PPIG: variants seen among roughly 807,000 people sequenced by gnomAD.
The protein encoded by PPIG is peptidyl-prolyl cis-trans isomerase G.
A neutral mutation model predicts 87.9 loss-of-function variants in PPIG; 26 were observed. The observed-to-expected ratio is 0.30, with a 90% CI of 0.22 to 0.41. PPIG has a LOEUF of 0.41. Ranked by LOEUF, PPIG falls within the 10% of genes least tolerant of loss-of-function variation. The pLI is 1.00. For synonymous variants in PPIG, 308 were observed against 276.5 expected (o/e 1.11, Z -1.13); for missense variants, 722 against 879.4 (o/e 0.82, Z 2.26).
intron 1 of PPIG, among the ~76,000 whole-genome samples, chr2:169,591,588 C>T (rs1684863739): frequency 6.6e-6 from 1 of 151,938 alleles, no homozygotes; most frequent in Non-Finnish European, 1.5e-5. Flanking sequence ...AAAGTAGATT[C>T]AGTATATTAT....
At chr2:169,612,648 C>G (rs925511618) in intron 7 of PPIG, among the ~76,000 whole-genome samples, 2 of 152,130 alleles carry the variant, frequency 1.3e-5, no homozygotes, top group African/African-American at 4.8e-5. Context: ...TCCCAAACTG[C>G]TGGGATTACA....
chr2:169,584,424 G>A lies in PPIG; in HGVS notation c.-136G>A, dbSNP rs941574940. 2.1e-6 allele frequency: 1 copy of A among 471,014 alleles called. No homozygotes were observed. The highest frequency in any genetic ancestry group is 2.0e-5 in the African/African-American group (1 of 50,082). The allele number at this position is 471,014 out of a possible 1,614,324, so 29.2% of individuals were successfully genotyped here. A position where few individuals can be genotyped will look rare whatever the true frequency, so the allele number is the denominator to read the frequency against. On this transcript the variant is annotated 5_prime_UTR_variant, in exon 1 of 14. Coordinates refer to ENST00000260970, the MANE Select transcript of PPIG (RefSeq NM_004792.3). ...GTTAGCGGGCTTTAGCGCCTTTTCT[G>A]GCGGCGGTAGATTTGAAGCGCTTCA... is the stretch of plus-strand genomic sequence containing the variant.
At position 169,639,090 on chromosome 2, in the gene PPIG, C is replaced by G. The variant is rs560207928; in HGVS notation, c.*1567C>G. ...ATATTTGGCGTTGTGGTAGCTGTTG[C>G]AGAATGAATAGTGTAATGACCATAA... On this transcript the variant is annotated 3_prime_UTR_variant, in exon 14 of 14. Coordinates refer to ENST00000260970, the MANE Select transcript of PPIG (RefSeq NM_004792.3). 3 of 152,040 alleles carry G rather than the reference C, an allele frequency of 2.0e-5. No homozygotes were observed. In the South Asian group the frequency reaches 6.2e-4, roughly 32 times the overall value. 9.4% of individuals were successfully genotyped at this position (152,040 alleles called of 1,614,324 possible).
At chr2:169,590,137 A>AAAAAG (rs774610161) in intron 1 of PPIG, among the ~76,000 whole-genome samples, 1 of 151,800 alleles carries the variant, frequency 6.6e-6, no homozygotes, top group African/African-American at 2.4e-5. Context: ...ACCAAAAAAA[A>AAAAAG]AAAAGAAAAG....
In PPIG at chr2:169,637,178, CAA is replaced by C. The variant is rs1278295959; in HGVS notation, c.1922_1923del (p.Lys641ArgfsTer9). On this transcript the variant is annotated frameshift_variant, in exon 14 of 14. Transcript: ENST00000260970. LOFTEE classifies it high-confidence loss of function. ...AGAGAGAAGAAAGTCAAAGCAGAAA[CAA>C]AGACAAATACAGAAACCAAGAGAGT... ...SEREESQSRN[K>X]DKYRNQESKS... The C allele has an allele frequency of 2.5e-6, 4 of 1,612,780 alleles. No individual in the cohort carries two copies. The highest frequency in any genetic ancestry group is 2.2e-5 in the East Asian group (1 of 44,830).
intron 1 of PPIG, among the ~76,000 whole-genome samples, chr2:169,597,384 C>A (rs1685047317): frequency 1.3e-5 from 2 of 152,114 alleles, no homozygotes; most frequent in Non-Finnish European, 2.9e-5. Flanking sequence ...GCCTCAAAAT[C>A]CTCGGCTGAA....
At chr2:169,602,554 C>T (rs1440749279) in intron 1 of PPIG, among the ~76,000 whole-genome samples, 2 of 152,248 alleles carry the variant, frequency 1.3e-5, no homozygotes, top group South Asian at 2.1e-4. Flanking sequence ...GACCCTGATC[C>T]GCCCGCCTCA....
intron 1 of PPIG, among the ~76,000 whole-genome samples, chr2:169,593,529 A>G (rs907369956): frequency 6.6e-6 from 1 of 152,218 alleles, no homozygotes; most frequent in African/African-American, 2.4e-5. Context: ...TCTTACAGAC[A>G]CACACAATAA....
intron 9 of PPIG, among the ~76,000 whole-genome samples, chr2:169,628,813 G>A (rs1056697282): frequency 2.0e-5 from 3 of 151,762 alleles, no homozygotes; most frequent in Admixed American, 1.3e-4. Context: ...GGGCATGGTG[G>A]CATACACCTG....
intron 9 of PPIG, among the ~76,000 whole-genome samples, chr2:169,624,566 T>C (rs1432460584): frequency 6.6e-6 from 1 of 152,128 alleles, no homozygotes; most frequent in Non-Finnish European, 1.5e-5. Flanking sequence ...ATCAATTTTG[T>C]GTAAGTAGTT....
intron 9 of PPIG, among the ~76,000 whole-genome samples, chr2:169,629,816 C>G (rs1685988417): frequency 6.6e-6 from 1 of 152,122 alleles, no homozygotes; most frequent in Non-Finnish European, 1.5e-5. Flanking sequence ...TGACAAAGAG[C>G]TATTTCCCTT....
rs144615765 is a variant in PPIG at position 169,639,294 on chromosome 2, T to C, written c.*1771T>C. 1.8e-3 allele frequency: 271 copies of C among 152,208 alleles called. 1 individual carries two copies. The highest frequency in any genetic ancestry group is 6.4e-3 in the African/African-American group (268 of 41,572). The allele number at this position is 152,208 out of a possible 1,614,324, so 9.4% of individuals were successfully genotyped here. On this transcript the variant is annotated 3_prime_UTR_variant, in exon 14 of 14. Transcript: ENST00000260970. ...TGAGTGCCCAAGCTATATAACGTTA[T>C]GTAGTTTAAGCAAGTTATTGTTTGT...
At chr2:169,631,083 TAGTG>T (rs1686039073) in intron 10 of PPIG, 96 bp downstream of exon 10, 1 of 1,114,412 alleles carries the variant, frequency 9.0e-7, no homozygotes, top group African/African-American at 1.6e-5. Flanking sequence ...ACTGTTAAAA[TAGTG>T]AGAAATATAG....
chr2:169,602,886 A>G (rs1315205123), intron 1 of PPIG, among the ~76,000 whole-genome samples: 4 of 152,216 alleles, frequency 2.6e-5, no homozygotes, highest in Admixed American at 2.6e-4. Context: ...GGAATAGCCT[A>G]GATAAGAAAT....
chr2:169,614,561 ATAAT>A lies in PPIG; in HGVS notation c.408-22_408-19del, dbSNP rs1205965773. The A allele has an allele frequency of 4.4e-6, 7 of 1,580,142 alleles. No homozygotes were observed. The South Asian group carries it at 8.4e-5, about 19-fold the overall frequency. ...CCTTGAAATAAAAAGCTTTTATTTA[ATAAT>A]TTTTTACTTGACACTTTAGGCATCA... is the stretch of plus-strand genomic sequence containing the variant. On this transcript the variant is annotated intron_variant, in intron 8 of 13. Coordinates refer to ENST00000260970, the MANE Select transcript of PPIG (RefSeq NM_004792.3).
chr2:169,584,870 C>A (rs1037483944), intron 1 of PPIG: 1 of 273,906 alleles, frequency 3.7e-6, no homozygotes, highest in Non-Finnish European at 7.1e-6. Context: ...TTTAAAGCTT[C>A]AAAATCCTAA....
chr2:169,617,784 T>A (rs903859673), intron 9 of PPIG, among the ~76,000 whole-genome samples: 1 of 152,214 alleles, frequency 6.6e-6, no homozygotes, highest in Non-Finnish European at 1.5e-5. Flanking sequence ...AAATATACAA[T>A]CATGTCATCT....
Position 169,636,175 on chromosome 2 carries a change from G to A in PPIG, c.1101G>A (p.Gln367=). 1 of 1,613,074 alleles carries A rather than the reference G, an allele frequency of 6.2e-7. No homozygotes were observed. The highest frequency in any genetic ancestry group is 1.1e-5 in the South Asian group (1 of 90,900). ...CTCCACATTGGAGGCAAGAGATGCA[G>A]AGAGCTCAAAGAATGAGGGTATCAA... The part of the protein sequence containing the change: ...ETPPHWRQEM[Q]RAQRMRVSSG... Residue 367 remains glutamine (Q), a synonymous_variant, in exon 13 of 14, where the codon CAG becomes CAA. Coordinates refer to ENST00000260970, the MANE Select transcript of PPIG (RefSeq NM_004792.3).
At chr2:169,614,356 G>C in intron 7 of PPIG, 108 bp from the exon 8 acceptor site, 4 of 1,060,894 alleles carry the variant, frequency 3.8e-6, no homozygotes, top group Non-Finnish European at 5.6e-6. Flanking sequence ...TGATGTCTTT[G>C]TTTTCAACTT....
Sources: gnomAD v4.1 joint callset for allele counts (sites outside exome capture counted in the v4.1 genomes callset) on GRCh38, gnomAD v4.1.1 for gene constraint, MANE v1.5 for transcripts, NCBI Gene and HGNC (gene_info 2026-07-23, HGNC 2026-07-21) for gene names.